NAIP: variants seen among roughly 807,000 people sequenced by gnomAD.
NAIP encodes the protein baculoviral IAP repeat-containing protein 1.
Under a neutral mutation model 23.0 loss-of-function variants are expected in NAIP, and 15 were observed. The observed-to-expected ratio is 0.65, with a 90% confidence interval of 0.44 to 1.00. NAIP has a LOEUF of 1.00. Among genes scored for constraint, NAIP ranks in the 50% least tolerant of loss-of-function variants. NAIP has a pLI of 0.00. For missense variants in NAIP, 265 were observed against 278.8 expected (o/e 0.95, Z 0.35); for synonymous variants, 100 against 100.2 (o/e 1.00, Z 0.01).
Position 71,012,118 on chromosome 5 carries a change from G to A in NAIP, c.568+230C>T, listed in dbSNP as rs911303567. Reference sequence around the variant, plus strand: ...TTCTAAGGTCCAAGTTTAAGGAGACGTAACTTTCTTATTTTATATATATTT... The same window carrying A: ...TTCTAAGGTCCAAGTTTAAGGAGACATAACTTTCTTATTTTATATATATTT... On this transcript the variant is annotated intron_variant, in intron 4 of 16. Coordinates refer to ENST00000517649, the MANE Select transcript of NAIP (RefSeq NM_004536.3). 1.1e-4 allele frequency among the ~76,000 whole-genome samples: 17 copies of A among 151,594 alleles called. 2 individuals carry two copies. The highest frequency in any genetic ancestry group is 4.1e-4 in the African/African-American group (17 of 41,362).
chr5:71,010,275 CTT>C lies in NAIP; in HGVS notation c.668+998_668+999del, dbSNP rs1230389082. Among the ~76,000 whole-genome samples the C allele has an allele frequency of 2.0e-5, 3 of 146,532 alleles. 1 individual carries two copies. The highest frequency in any genetic ancestry group is 7.5e-5 in the African/African-American group (3 of 40,178). ...GGTACACGCCACCATGCCTGGCTAACTTTTTTTTTTTGAGACGGAGTCTCACT... is the reference window on the plus strand; with the variant it reads ...GGTACACGCCACCATGCCTGGCTAACTTTTTTTTTGAGACGGAGTCTCACT... On this transcript the variant is annotated intron_variant, in intron 5 of 16. Transcript: ENST00000517649.
At chr5:71,009,140 C>T (rs1383420170) in intron 5 of NAIP, among the ~76,000 whole-genome samples, 1 of 149,430 alleles carries the variant, frequency 6.7e-6, no homozygotes, top group East Asian at 2.0e-4. Context: ...TTTGTAGAAC[C>T]AGGAGTTCCA....
intron 8 of NAIP, among the ~76,000 whole-genome samples, chr5:71,000,499 A>G (rs1750768183): frequency 1.7e-5 from 2 of 117,474 alleles, no homozygotes; most frequent in East Asian, 2.5e-4. Context: ...CTCCTCTTAC[A>G]GCTAGGTATG....
Position 71,013,639 on chromosome 5 carries a change from T to TA in NAIP, c.-3-722dup, listed in dbSNP as rs35296500. On this transcript the variant is annotated intron_variant, in intron 3 of 16. Transcript: ENST00000517649. ...TGGGTGACAGAGCAAGACTCCGTCT[T>TA]AAAAAAAAAAAAAAAAAAAAGAAGC... Among the ~76,000 whole-genome samples, 297 of 123,834 alleles carry TA rather than the reference T, an allele frequency of 2.4e-3. 2 individuals carry two copies. The highest frequency in any genetic ancestry group is 4.1e-3 in the Middle Eastern group (1 of 244). 81.2% of individuals were successfully genotyped at this position (123,834 alleles called of 152,430 possible).
chr5:70,996,874 T>G (rs2112899059), intron 9 of NAIP, among the ~76,000 whole-genome samples: 1 of 84,650 alleles, frequency 1.2e-5, no homozygotes, highest in Non-Finnish European at 2.5e-5. Context: ...ATGGGAAACC[T>G]CATACATTGT....
chr5:71,012,726 A>G lies in NAIP; in HGVS notation c.190T>C (p.Leu64=), dbSNP rs1751221400. 6.2e-7 allele frequency: 1 copy of G among 1,611,560 alleles called. No homozygotes were observed. The highest frequency in any genetic ancestry group is 1.3e-5 in the African/African-American group (1 of 74,662). Reference sequence around the variant, plus strand: ...GGCTCATAAGTCACAAAAGTCTTTAACCTTTTTGCTTCACTGCGCATTTGA... The same window carrying G: ...GGCTCATAAGTCACAAAAGTCTTTAGCCTTTTTGCTTCACTGCGCATTTGA... ...NSQMRSEAKR[L]KTFVTYEPYS... The change falls in exon 4 of 17, where the codon TTA becomes CTA. Residue 64 remains leucine, a synonymous_variant. Coordinates refer to ENST00000517649, the MANE Select transcript of NAIP (RefSeq NM_004536.3).
At position 71,011,311 on chromosome 5, in the gene NAIP, T is replaced by A; in HGVS notation, c.632A>T (p.Asp211Val). ...TTTGGCATGTTCCTTCCAAGGATCATCTCCTTCTTCCCAATTTCCTAAACA... is the reference window on the plus strand; with the variant it reads ...TTTGGCATGTTCCTTCCAAGGATCAACTCCTTCTTCCCAATTTCCTAAACA... The part of the protein sequence containing the change: ...GGCLGNWEEG[D>V]DPWKEHAKWF... Residue 211 changes from aspartate to valine, a missense_variant, in exon 5 of 17, where the codon GAT (aspartate) becomes GTT (valine). Physicochemically the swap from Asp to Val is radical, Grantham distance 152. This residue lies in a region of NAIP where 261 missense variants were observed against 259.2 expected (regional missense o/e 1.01). Transcript: ENST00000517649. 1 of 1,606,878 alleles carries A rather than the reference T, an allele frequency of 6.2e-7. No individual in the cohort carries two copies. Among genetic ancestry groups the A allele is most frequent in the Non-Finnish European group, 8.5e-7 (1 of 1,175,854 alleles).
At chr5:71,017,461 G>C (rs1428095739) in intron 3 of NAIP, among the ~76,000 whole-genome samples, 1 of 121,652 alleles carries the variant, frequency 8.2e-6, no homozygotes, top group Non-Finnish European at 1.9e-5. Context: ...TCTTGACTGG[G>C]CACAGTGGCT....
intron 3 of NAIP, among the ~76,000 whole-genome samples, chr5:71,014,222 T>C (rs575061509): frequency 6.6e-6 from 1 of 151,110 alleles, no homozygotes; most frequent in Admixed American, 6.6e-5. Context: ...CTCAGCCTCC[T>C]GAGTAGCTGG....
chr5:71,012,509 G>T lies in NAIP; in HGVS notation c.407C>A (p.Ala136Asp). The T allele has an allele frequency of 6.2e-7, 1 of 1,611,584 alleles. No individual in the cohort carries two copies. The highest frequency in any genetic ancestry group is 8.5e-7 in the Non-Finnish European group (1 of 1,178,414). The change falls in exon 4 of 17, where the codon GCC becomes GAC. Residue 136 changes from alanine to aspartate, a missense_variant. By Grantham distance (126) the Ala-to-Asp change is moderately radical. Coordinates refer to ENST00000517649, the MANE Select transcript of NAIP (RefSeq NM_004536.3). Reference protein sequence around the residue: ...FLLNKDVGNIAKYDIRVKNLK... With the variant: ...FLLNKDVGNIDKYDIRVKNLK... ...ATTCTTCACCCTTATGTCGTACTTG[G>T]CAATGTTACCAACATCCTTGTTCAA...
In NAIP at chr5:71,012,523, A is replaced by G. The variant is rs1290814093; in HGVS notation, c.393T>C (p.Asp131=). Reference sequence around the variant, plus strand: ...TGTCGTACTTGGCAATGTTACCAACATCCTTGTTCAAAAGGAACCCACAAT... The same window carrying G: ...TGTCGTACTTGGCAATGTTACCAACGTCCTTGTTCAAAAGGAACCCACAAT... ...HPDCGFLLNK[D]VGNIAKYDIR... Residue 131 remains aspartate (D), a synonymous_variant, in exon 4 of 17, where the codon GAT becomes GAC. Transcript: ENST00000517649. 1.2e-6 allele frequency: 2 copies of G among 1,611,776 alleles called. No homozygotes were observed. The highest frequency in any genetic ancestry group is 3.3e-5 in the Admixed American group (2 of 59,882).
Position 70,970,407 on chromosome 5 carries a change from G to GTGAT in NAIP, c.3905_3908dup (p.His1303GlnfsTer57), listed in dbSNP as rs1287588479. On this transcript the variant is annotated frameshift_variant, in exon 17 of 17. Transcript: ENST00000517649. LOFTEE classifies it high-confidence loss of function. ...TTCTGTATCCTTCCTCTGTAATCTTGTGATTGATTGAAAGCTTTAGGTTCT... is the reference window on the plus strand; with the variant it reads ...TTCTGTATCCTTCCTCTGTAATCTTGTGATTGATTGATTGAAAGCTTTAGGTTCT... 2 of 109,136 alleles carry GTGAT rather than the reference G, an allele frequency of 1.8e-5. No individual in the cohort carries two copies. Among genetic ancestry groups the GTGAT allele is most frequent in the African/African-American group, 5.6e-4 (2 of 3,598 alleles). 6.8% of individuals were successfully genotyped at this position (109,136 alleles called of 1,614,324 possible).
intron 4 of NAIP, chr5:71,011,791 GA>G: frequency 2.3e-6 from 1 of 443,504 alleles, no homozygotes; most frequent in African/African-American, 2.0e-5. Context: ...ACTCAGCTGT[GA>G]AATGGGAGAG....
intron 3 of NAIP, among the ~76,000 whole-genome samples, chr5:71,017,846 C>CTTTTT (rs1173570781): frequency 1.1e-4 from 10 of 91,562 alleles, no homozygotes; most frequent in African/African-American, 4.9e-4. Context: ...CAGCCCTTTC[C>CTTTTT]TTTTTTTTTT....
rs1003337670 is a variant in NAIP at position 71,012,870 on chromosome 5, C to T, written c.46G>A (p.Asp16Asn). The T allele has an allele frequency of 6.2e-7, 1 of 1,608,680 alleles. No homozygotes were observed. Among genetic ancestry groups the T allele is most frequent in the East Asian group, 2.2e-5 (1 of 44,824 alleles). The change falls in exon 4 of 17, where the codon GAT (aspartate) becomes AAT (asparagine). Residue 16 changes from aspartate to asparagine, a missense_variant. Transcript: ENST00000517649. ...GACAGCTCTGGCAGCAAATTGTGAT[C>T]AAACTGGGAGATCCTCTCGTCAGAG... ...KASDERISQF[D>N]HNLLPELSAL...
chr5:70,972,981 A>G (rs1441541706), intron 16 of NAIP, among the ~76,000 whole-genome samples: 1 of 125,238 alleles, frequency 8.0e-6, no homozygotes, highest in Non-Finnish European at 1.7e-5. Flanking sequence ...GCTCACTTCA[A>G]GCTCCACCTC....
Position 70,979,572 on chromosome 5 carries a change from C to CAA in NAIP, c.3442+295_3442+296dup, listed in dbSNP as rs1185904838. Among the ~76,000 whole-genome samples the CAA allele has an allele frequency of 3.3e-3, 55 of 16,656 alleles. 4 individuals are homozygous for CAA. The highest frequency in any genetic ancestry group is 8.6e-3 in the African/African-American group (25 of 2,916). The allele number at this position is 16,656 out of a possible 152,430, so 10.9% of individuals were successfully genotyped here. On this transcript the variant is annotated intron_variant, in intron 13 of 16. Transcript: ENST00000517649. Reference sequence around the variant, plus strand: ...CCTGGGCGACAGCGGGAGACTGTCTCAAAAAAAAAAAAAATAATAATAATA... The same window carrying CAA: ...CCTGGGCGACAGCGGGAGACTGTCTCAAAAAAAAAAAAAAAATAATAATAATA...
Position 71,011,263 on chromosome 5 carries a change from TTATC to T in NAIP, c.668+8_668+11del. ...AAAGAAAGAAACATTTAAGCAAAAA[TTATC>T]TACTTACTTGGGGAACCATTTGGCA... On this transcript the variant is annotated splice_region_variant and intron_variant, in intron 5 of 16. Transcript: ENST00000517649. The T allele has an allele frequency of 1.9e-6, 3 of 1,561,116 alleles. No individual in the cohort carries two copies. The highest frequency in any genetic ancestry group is 2.6e-6 in the Non-Finnish European group (3 of 1,150,720).
chr5:71,012,948 C>G, intron 3 of NAIP, 30 bp from the exon 4 acceptor site: 1 of 1,497,088 alleles, frequency 6.7e-7, no homozygotes, highest in Non-Finnish European at 9.0e-7. Context: ...AGGTTGATCC[C>G]TTATAGTAAG....
Sources: gnomAD v4.1 joint callset for allele counts (sites outside exome capture counted in the v4.1 genomes callset) on GRCh38, gnomAD v4.1.1 for gene constraint, gnomAD v4.1.1 regional missense constraint, MANE v1.5 for transcripts, NCBI Gene and HGNC (gene_info 2026-07-23, HGNC 2026-07-21) for gene names.